SHTN1: variants seen among roughly 807,000 people sequenced by gnomAD.
SHTN1 encodes the protein shootin-1.
A neutral mutation model predicts 83.1 loss-of-function variants in SHTN1; 42 were observed. That is an observed-to-expected ratio of 0.51 (90% CI 0.39 to 0.65). SHTN1 has a LOEUF of 0.65. Among genes scored for constraint, SHTN1 ranks in the 30% least tolerant of loss-of-function variants. The pLI is 0.00. For synonymous variants in SHTN1, 224 were observed against 247.7 expected, an observed-to-expected ratio of 0.90 and a Z score of 0.90; for missense variants, 622 against 737.8, an observed-to-expected ratio of 0.84 and a Z score of 1.82.
chr10:117,061,914 T>A (rs958133844), intron 1 of SHTN1, among the ~76,000 whole-genome samples: 1 of 152,184 alleles, frequency 6.6e-6, no homozygotes, highest in African/African-American at 2.4e-5. Context: ...GCACAATGAT[T>A]CTCTTTCTGA....
chr10:116,938,823 CCT>C, intron 9 of SHTN1, among the ~76,000 whole-genome samples: 1 of 152,322 alleles, frequency 6.6e-6, no homozygotes, highest in East Asian at 1.9e-4. Flanking sequence ...TCTACAAGCC[CCT>C]GACTGGGGCT....
chr10:117,122,824 T>G (rs2133648763), intron 1 of SHTN1, among the ~76,000 whole-genome samples: 1 of 152,304 alleles, frequency 6.6e-6, no homozygotes, highest in South Asian at 2.1e-4. Context: ...ACTATTAAAC[T>G]TAAGAAAAAT....
At chr10:116,943,095 T>C (rs1849445712) in intron 8 of SHTN1, among the ~76,000 whole-genome samples, 2 of 152,232 alleles carry the variant, frequency 1.3e-5, no homozygotes, top group African/African-American at 4.8e-5. Flanking sequence ...ACTGCAAATA[T>C]TTATGCTGCC....
intron 11 of SHTN1, among the ~76,000 whole-genome samples, chr10:116,922,450 T>A (rs1464650797): frequency 6.6e-6 from 1 of 152,010 alleles, no homozygotes; most frequent in East Asian, 1.9e-4. Context: ...AGCCAGTGAT[T>A]CCACTGCCAT....
chr10:117,072,294 G>C (rs572276938), intron 1 of SHTN1, among the ~76,000 whole-genome samples: 1 of 152,260 alleles, frequency 6.6e-6, no homozygotes, highest in African/African-American at 2.4e-5. Flanking sequence ...TTGTGATTGT[G>C]GTTCCATCAT....
intron 3 of SHTN1, among the ~76,000 whole-genome samples, chr10:116,965,135 A>C (rs532599393): frequency 1.3e-5 from 2 of 152,338 alleles, no homozygotes; most frequent in African/African-American, 4.8e-5. Flanking sequence ...ATATGGATAA[A>C]AACATTTATC....
At chr10:116,919,588 T>G (rs948842197) in intron 12 of SHTN1, among the ~76,000 whole-genome samples, 2 of 152,226 alleles carry the variant, frequency 1.3e-5, no homozygotes, top group African/African-American at 4.8e-5. Flanking sequence ...TGTGATTTAC[T>G]TGGAAGGAAA....
chr10:116,889,817 C>CT (rs1847280103), intron 16 of SHTN1, among the ~76,000 whole-genome samples: 1 of 152,186 alleles, frequency 6.6e-6, no homozygotes, highest in Non-Finnish European at 1.5e-5. Context: ...TAAATAAAGT[C>CT]TATCCCTTCA....
At chr10:117,027,129 T>C (rs925996211) in intron 2 of SHTN1, among the ~76,000 whole-genome samples, 2 of 152,216 alleles carry the variant, frequency 1.3e-5, no homozygotes, top group Admixed American at 6.5e-5. Context: ...TCCAAGACCA[T>C]TGATATAGTT....
intron 1 of SHTN1, among the ~76,000 whole-genome samples, chr10:117,114,781 C>T (rs2133641699): frequency 6.6e-6 from 1 of 152,310 alleles, no homozygotes; most frequent in Admixed American, 6.5e-5. Flanking sequence ...ACACCTCTCT[C>T]CAGAGGCGCC....
chr10:117,011,469 GCCAGTA>G (rs1852102307), intron 2 of SHTN1, among the ~76,000 whole-genome samples: 1 of 152,070 alleles, frequency 6.6e-6, no homozygotes, highest in South Asian at 2.1e-4. Flanking sequence ...CTGTCCTTAT[GCCAGTA>G]CCATCTCTAT....
At chr10:116,937,098 G>C (rs879398988) in intron 9 of SHTN1, among the ~76,000 whole-genome samples, 12 of 149,924 alleles carry the variant, frequency 8.0e-5, no homozygotes, top group Non-Finnish European at 1.6e-4. Context: ...ACACCGATGG[G>C]TCTTGACTCT....
At chr10:116,979,368 T>G in intron 1 of SHTN1, 60 bp from the exon 2 acceptor site, 1 of 1,408,848 alleles carries the variant, frequency 7.1e-7, no homozygotes, top group Non-Finnish European at 1.0e-6. Flanking sequence ...CAGGGCAACC[T>G]GGGGAATCCA....
intron 2 of SHTN1, among the ~76,000 whole-genome samples, chr10:117,038,890 G>A (rs1227198330): frequency 2.6e-5 from 4 of 152,186 alleles, no homozygotes; most frequent in African/African-American, 9.7e-5. Context: ...ATTCATTGAT[G>A]GTGAGAATGC....
intron 1 of SHTN1, among the ~76,000 whole-genome samples, chr10:117,116,998 A>C (rs188989561): frequency 4.9e-4 from 75 of 152,326 alleles, no homozygotes; most frequent in African/African-American, 1.6e-3. Flanking sequence ...ATGTGGAACA[A>C]GACAAGGATG....
At chr10:116,926,355 CA>C (rs1294200408) in intron 11 of SHTN1, among the ~76,000 whole-genome samples, 1 of 152,154 alleles carries the variant, frequency 6.6e-6, no homozygotes, top group Non-Finnish European at 1.5e-5. Context: ...AGAGAAAGAT[CA>C]AAGTGATGAA....
intron 1 of SHTN1, among the ~76,000 whole-genome samples, chr10:117,070,255 ATG>A (rs560096375): frequency 6.6e-6 from 1 of 151,274 alleles, no homozygotes; most frequent in Non-Finnish European, 1.5e-5. Context: ...TTCTATTCTT[ATG>A]TGTGTGTGTG....
chr10:117,076,159 C>T (rs11197885), intron 1 of SHTN1, among the ~76,000 whole-genome samples: 8,834 of 136,208 alleles, frequency 0.065, 367 homozygotes, highest in East Asian at 0.14. Flanking sequence ...CTCCAGCCTG[C>T]GCGACAAAGC....
At chr10:117,029,726 C>T (rs1034791039) in intron 2 of SHTN1, among the ~76,000 whole-genome samples, 14 of 152,268 alleles carry the variant, frequency 9.2e-5, no homozygotes, top group African/African-American at 2.6e-4. Context: ...GCTCCCCCAT[C>T]GCTTTCTGCC....
Sources: allele counts gnomAD v4.1 joint callset (sites outside exome capture counted in the v4.1 genomes callset), GRCh38; gene constraint gnomAD v4.1.1; transcripts MANE v1.5; gene names NCBI Gene and HGNC (gene_info 2026-07-23, HGNC 2026-07-21).